The following GFRA1 variants were observed in gnomAD, a reference collection of about 807,000 sequenced individuals.
GFRA1 encodes the protein GDNF family receptor alpha 1, also known as GDNF family receptor alpha-1.
Under a neutral mutation model 51.6 loss-of-function variants are expected in GFRA1, and 16 were observed. The ratio of observed to expected loss-of-function variants is 0.31; its 90% confidence interval spans 0.21 to 0.47. GFRA1 has a LOEUF of 0.47. Ranked by LOEUF, GFRA1 falls within the 20% of genes least tolerant of loss-of-function variation. GFRA1 has a pLI of 1.00. For missense variants in GFRA1, 530 were observed against 594.3 expected, an observed-to-expected ratio of 0.89 and a Z score of 1.13; for synonymous variants, 270 against 241.3, an observed-to-expected ratio of 1.12 and a Z score of -1.10.
chr10:116,151,033 G>A lies in GFRA1; in HGVS notation c.434-25476C>T, dbSNP rs935117527. 3.3e-5 allele frequency among the ~76,000 whole-genome samples: 5 copies of A among 152,066 alleles called. No homozygotes were observed. In the East Asian group the frequency reaches 7.7e-4, roughly 24 times the overall value. On this transcript the variant is annotated intron_variant, in intron 5 of 10. Coordinates refer to ENST00000355422, the MANE Select transcript of GFRA1 (RefSeq NM_005264.8). Reference sequence around the variant, plus strand: ...TTTTTTTTTCTAAACGGGAAAAAGGGTTAAAGAACATCCCCTGGGAGTCCT... The same window carrying A: ...TTTTTTTTTCTAAACGGGAAAAAGGATTAAAGAACATCCCCTGGGAGTCCT...
chr10:116,262,663 A>T (rs372182977), intron 4 of GFRA1, among the ~76,000 whole-genome samples: 6 of 152,230 alleles, frequency 3.9e-5, no homozygotes, highest in African/African-American at 1.4e-4. Flanking sequence ...CCTGTTTGCA[A>T]TTTCCTATTG....
chr10:116,114,400 T>TGCCTCC (rs1164660286), intron 6 of GFRA1, among the ~76,000 whole-genome samples: 4 of 152,310 alleles, frequency 2.6e-5, no homozygotes, highest in Middle Eastern at 3.4e-3. Flanking sequence ...CTCTAGACTC[T>TGCCTCC]GCCTCCGCCT....
At chr10:116,223,882 G>GA (rs1477097498) in intron 4 of GFRA1, among the ~76,000 whole-genome samples, 2 of 151,888 alleles carry the variant, frequency 1.3e-5, no homozygotes, top group Admixed American at 6.6e-5. Context: ...GGAGTTCCCT[G>GA]AAAAAAAGGG....
intron 4 of GFRA1, among the ~76,000 whole-genome samples, chr10:116,250,756 T>C (rs1394614544): frequency 6.6e-6 from 1 of 152,202 alleles, no homozygotes; most frequent in Non-Finnish European, 1.5e-5. Context: ...TGAAGCTTCC[T>C]GGTGTCCTCA....
Position 116,270,607 on chromosome 10 carries a change from C to A in GFRA1, c.334+215G>T, listed in dbSNP as rs536555715. ...GTCCCGGGGGTGGCCCTCCCCCCAG[C>A]CCCCGTCCTCCTCATGGGTTTTCCA... is the stretch of plus-strand genomic sequence containing the variant. On this transcript the variant is annotated intron_variant, in intron 3 of 10. Coordinates refer to ENST00000355422, the MANE Select transcript of GFRA1 (RefSeq NM_005264.8). Among the ~76,000 whole-genome samples, 335 of 152,300 alleles carry A rather than the reference C, an allele frequency of 2.2e-3. 3 individuals are homozygous for A. The highest frequency in any genetic ancestry group is 7.6e-3 in the African/African-American group (315 of 41,574).
At chr10:116,093,082 C>A (rs922689495) in intron 8 of GFRA1, among the ~76,000 whole-genome samples, 1 of 152,142 alleles carries the variant, frequency 6.6e-6, no homozygotes, top group African/African-American at 2.4e-5. Context: ...AGCAGGAGCC[C>A]CCTCCCTCCT....
chr10:116,262,038 G>T (rs1969339568), intron 4 of GFRA1, among the ~76,000 whole-genome samples: 2 of 151,908 alleles, frequency 1.3e-5, no homozygotes, highest in South Asian at 4.1e-4. Context: ...GTGTCCCAGA[G>T]AACAAAAAAC....
chr10:116,185,409 G>A (rs918637725), intron 5 of GFRA1, among the ~76,000 whole-genome samples: 7 of 152,088 alleles, frequency 4.6e-5, no homozygotes, highest in Admixed American at 2.0e-4. Flanking sequence ...ACCCCATCCC[G>A]GCGCACCTCC....
intron 6 of GFRA1, among the ~76,000 whole-genome samples, chr10:116,106,992 G>C (rs995934762): frequency 3.3e-5 from 5 of 152,150 alleles, no homozygotes; most frequent in African/African-American, 7.2e-5. Context: ...TGATTATAAG[G>C]TTCCTGAGGC....
At chr10:116,072,084 T>C (rs1354192804) in intron 9 of GFRA1, among the ~76,000 whole-genome samples, 3 of 152,120 alleles carry the variant, frequency 2.0e-5, no homozygotes, top group Admixed American at 6.5e-5. Context: ...TTTTTTTTTT[T>C]CAGGAATTTG....
intron 5 of GFRA1, among the ~76,000 whole-genome samples, chr10:116,134,771 C>T (rs1958250088): frequency 6.6e-6 from 1 of 152,194 alleles, no homozygotes; most frequent in South Asian, 2.1e-4. Flanking sequence ...AAAGACAGTT[C>T]CCCTTGTTAA....
intron 4 of GFRA1, among the ~76,000 whole-genome samples, chr10:116,252,494 C>T (rs1412174064): frequency 2.0e-5 from 3 of 152,164 alleles, no homozygotes; most frequent in Non-Finnish European, 4.4e-5. Flanking sequence ...CAGCTGGCGC[C>T]TACTGCATGG....
intron 9 of GFRA1, among the ~76,000 whole-genome samples, chr10:116,088,641 C>T (rs1048454455): frequency 6.6e-6 from 1 of 152,168 alleles, no homozygotes; most frequent in Non-Finnish European, 1.5e-5. Flanking sequence ...GAGGGTACCA[C>T]TGGGCGCGGT....
chr10:116,240,494 G>GT (rs1967270210), intron 4 of GFRA1, among the ~76,000 whole-genome samples: 1 of 152,156 alleles, frequency 6.6e-6, no homozygotes, highest in Non-Finnish European at 1.5e-5. Flanking sequence ...CTTTTGAAGG[G>GT]TGTGAGTCCT....
Position 116,098,673 on chromosome 10 carries a change from C to T in GFRA1, c.771-1909G>A, listed in dbSNP as rs375055085. Among the ~76,000 whole-genome samples the T allele has an allele frequency of 3.1e-4, 47 of 152,322 alleles. 1 individual carries two copies. In the East Asian group the frequency reaches 3.3e-3, roughly 11 times the overall value. On this transcript the variant is annotated intron_variant, in intron 6 of 10. Coordinates refer to ENST00000355422, the MANE Select transcript of GFRA1 (RefSeq NM_005264.8). Reference sequence around the variant, plus strand: ...GTCCCCCAGAGACAAGACAAAAGGTCGCTCCCTCTCCACATCTCCTGTTTC... The same window carrying T: ...GTCCCCCAGAGACAAGACAAAAGGTTGCTCCCTCTCCACATCTCCTGTTTC...
chr10:116,070,934 T>C (rs1751645572), intron 9 of GFRA1, among the ~76,000 whole-genome samples: 1 of 152,162 alleles, frequency 6.6e-6, no homozygotes, highest in South Asian at 2.1e-4. Flanking sequence ...ACAAACTTGG[T>C]AACAATCACT....
chr10:116,140,818 C>A (rs1182314493), intron 5 of GFRA1, among the ~76,000 whole-genome samples: 3 of 152,180 alleles, frequency 2.0e-5, no homozygotes, highest in Non-Finnish European at 4.4e-5. Context: ...TGATTACAAG[C>A]CCTACATGGT....
At chr10:116,155,690 G>A (rs1959186101) in intron 5 of GFRA1, among the ~76,000 whole-genome samples, 1 of 152,204 alleles carries the variant, frequency 6.6e-6, no homozygotes. Context: ...ATGGGAAGGA[G>A]CACAATTATT....
rs1380968447 is a variant in GFRA1 at position 116,104,941 on chromosome 10, GATGGTC to G, written c.771-8183_771-8178del. 3.3e-5 allele frequency among the ~76,000 whole-genome samples: 5 copies of G among 152,274 alleles called. No homozygotes were observed. In the East Asian group the frequency reaches 9.7e-4, roughly 29 times the overall value. On this transcript the variant is annotated intron_variant, in intron 6 of 10. Transcript: ENST00000355422. Reference sequence around the variant, plus strand: ...ACCTATTTATCCCAATGCGCAAACTGATGGTCATGGTACAAGAAAACTCTAAGTAGT... The same window carrying G: ...ACCTATTTATCCCAATGCGCAAACTGATGGTACAAGAAAACTCTAAGTAGT...
Sources: allele counts gnomAD v4.1 joint callset (sites outside exome capture counted in the v4.1 genomes callset), GRCh38; gene constraint gnomAD v4.1.1; transcripts MANE v1.5; gene names NCBI Gene and HGNC (gene_info 2026-07-23, HGNC 2026-07-21).